The following INPP4B variants were observed in gnomAD, a reference collection of about 807,000 sequenced individuals.
INPP4B encodes inositol polyphosphate-4-phosphatase type II B.
In INPP4B, 55 loss-of-function variants were observed where a neutral mutation model predicts 122.5. The ratio of observed to expected loss-of-function variants is 0.45; its 90% confidence interval spans 0.36 to 0.56. The LOEUF is 0.56. INPP4B is among the 20% of genes least tolerant of loss of function. INPP4B has a pLI of 0.00. For synonymous variants in INPP4B, 403 were observed against 388.7 expected, an observed-to-expected ratio of 1.04 and a Z score of -0.43; for missense variants, 1,000 against 1,097.7, an observed-to-expected ratio of 0.91 and a Z score of 1.26.
chr4:142,249,870 C>T (rs1034231721), intron 11 of INPP4B, among the ~76,000 whole-genome samples: 3 of 152,144 alleles, frequency 2.0e-5, no homozygotes, highest in Admixed American at 6.5e-5. Flanking sequence ...TACCATCTCC[C>T]CTTCTATACA....
At chr4:142,366,019 G>A (rs1787335167) in intron 7 of INPP4B, among the ~76,000 whole-genome samples, 1 of 152,050 alleles carries the variant, frequency 6.6e-6, no homozygotes, top group Non-Finnish European at 1.5e-5. Flanking sequence ...ATCACCTGAA[G>A]CAACTGAAGA....
chr4:142,842,323 A>G (rs368341984), intron 1 of INPP4B, among the ~76,000 whole-genome samples: 1 of 151,406 alleles, frequency 6.6e-6, no homozygotes, highest in East Asian at 1.9e-4. Flanking sequence ...TTGAAACCCA[A>G]TTCACATCAT....
chr4:142,601,968 C>CAAAAAA (rs70949178), intron 2 of INPP4B, among the ~76,000 whole-genome samples: 2 of 74,902 alleles, frequency 2.7e-5, no homozygotes, highest in African/African-American at 5.1e-5. Flanking sequence ...GACTCCATCT[C>CAAAAAA]AAAAAAAAAA....
At chr4:142,282,854 C>G (rs947948832) in intron 9 of INPP4B, among the ~76,000 whole-genome samples, 1 of 151,980 alleles carries the variant, frequency 6.6e-6, no homozygotes, top group Non-Finnish European at 1.5e-5. Context: ...AGCAGCTGCA[C>G]CAGGGGCTGA....
At chr4:142,575,571 C>T (rs1733662465) in intron 2 of INPP4B, among the ~76,000 whole-genome samples, 1 of 152,000 alleles carries the variant, frequency 6.6e-6, no homozygotes, top group African/African-American at 2.4e-5. Context: ...TTCTCATCAA[C>T]ACGATGAAAT....
chr4:142,163,995 T>A (rs903431339), intron 16 of INPP4B, among the ~76,000 whole-genome samples: 7 of 151,896 alleles, frequency 4.6e-5, no homozygotes, highest in Admixed American at 4.6e-4. Flanking sequence ...GTAAAAAGAA[T>A]AAACTCTGAA....
chr4:142,266,459 G>A (rs1238328204), intron 10 of INPP4B, among the ~76,000 whole-genome samples: 1 of 152,098 alleles, frequency 6.6e-6, no homozygotes, highest in East Asian at 1.9e-4. Flanking sequence ...AAAATTGAAA[G>A]AAAATATTTG....
At chr4:142,116,377 T>C (rs1294334930) in intron 21 of INPP4B, among the ~76,000 whole-genome samples, 1 of 152,078 alleles carries the variant, frequency 6.6e-6, no homozygotes, top group Non-Finnish European at 1.5e-5. Context: ...CAGCACCACA[T>C]CACACTTATT....
intron 2 of INPP4B, among the ~76,000 whole-genome samples, chr4:142,515,761 C>T (rs1825342441): frequency 6.6e-6 from 1 of 152,144 alleles, no homozygotes; most frequent in South Asian, 2.1e-4. Flanking sequence ...GTCTGAAAAC[C>T]ACAGAGCCAG....
At chr4:142,412,821 T>C (rs189661402) in intron 5 of INPP4B, among the ~76,000 whole-genome samples, 7 of 152,246 alleles carry the variant, frequency 4.6e-5, no homozygotes, top group Non-Finnish European at 8.8e-5. Flanking sequence ...TTTCTTCTCT[T>C]CTCTGCCATC....
intron 25 of INPP4B, among the ~76,000 whole-genome samples, chr4:142,048,640 A>G (rs905252708): frequency 1.3e-5 from 2 of 151,996 alleles, no homozygotes; most frequent in Non-Finnish European, 2.9e-5. Flanking sequence ...AGTGGGGGAG[A>G]GCAACAGAGA....
At chr4:142,315,141 A>C (rs1307885183) in intron 7 of INPP4B, among the ~76,000 whole-genome samples, 1 of 152,214 alleles carries the variant, frequency 6.6e-6, no homozygotes, top group Non-Finnish European at 1.5e-5. Flanking sequence ...GAAATGATAA[A>C]TGTTTGAAAT....
chr4:142,361,617 A>C (rs1004001738), intron 7 of INPP4B, among the ~76,000 whole-genome samples: 16 of 151,932 alleles, frequency 1.1e-4, no homozygotes, highest in African/African-American at 3.6e-4. Flanking sequence ...CCTATATAAA[A>C]TTAGGTTCTT....
intron 2 of INPP4B, among the ~76,000 whole-genome samples, chr4:142,577,272 C>T (rs1163263960): frequency 6.6e-6 from 1 of 152,010 alleles, no homozygotes; most frequent in Non-Finnish European, 1.5e-5. Flanking sequence ...TGTTCAGTGT[C>T]TGTGGTGAAA....
chr4:142,412,680 C>G (rs2149254053), intron 5 of INPP4B, among the ~76,000 whole-genome samples: 1 of 152,290 alleles, frequency 6.6e-6, no homozygotes, highest in Admixed American at 6.5e-5. Flanking sequence ...CATCTTTCTT[C>G]TGTATTCTCT....
rs1046268135 is a variant in INPP4B at position 142,175,961 on chromosome 4, T to A, written c.1182-2152A>T. Among the ~76,000 whole-genome samples, 6 of 152,044 alleles carry A rather than the reference T, an allele frequency of 3.9e-5. No individual in the cohort carries two copies. The East Asian group carries it at 1.2e-3, about 30-fold the overall frequency. ...GAGTCATGTGGTCACTTCTATGTGA[T>A]CCCTCTTTGCAGGTCTGCTATTCTG... On this transcript the variant is annotated intron_variant, in intron 15 of 25. Transcript: ENST00000262992.
chr4:142,349,787 A>G (rs576725874), intron 7 of INPP4B, among the ~76,000 whole-genome samples: 2 of 152,068 alleles, frequency 1.3e-5, no homozygotes, highest in African/African-American at 4.8e-5. Flanking sequence ...TCAAAGAATC[A>G]CACATGAGCT....
At chr4:142,484,192 G>T (rs2149751667) in intron 2 of INPP4B, among the ~76,000 whole-genome samples, 1 of 152,120 alleles carries the variant, frequency 6.6e-6, no homozygotes, top group East Asian at 1.9e-4. Flanking sequence ...ATATAAAAAT[G>T]AGCAACTTGA....
intron 1 of INPP4B, among the ~76,000 whole-genome samples, chr4:142,764,007 A>T (rs1771722286): frequency 6.6e-6 from 1 of 151,390 alleles, no homozygotes; most frequent in Non-Finnish European, 1.5e-5. Flanking sequence ...TCATTTTAAG[A>T]TGTTTTATTT....
Sources: allele counts gnomAD v4.1 joint callset (sites outside exome capture counted in the v4.1 genomes callset), GRCh38; gene constraint gnomAD v4.1.1; transcripts MANE v1.5; gene names NCBI Gene and HGNC (gene_info 2026-07-23, HGNC 2026-07-21).